Variants in GEMIN2 observed in about 807,000 individuals in gnomAD.
GEMIN2 encodes the protein gem nuclear organelle associated protein 2.
Under a neutral mutation model 45.8 loss-of-function variants are expected in GEMIN2, and 37 were observed. The observed-to-expected ratio is 0.81, with a 90% CI of 0.62 to 1.06. GEMIN2 has a LOEUF of 1.06. Ranked by LOEUF, GEMIN2 falls within the 50% of genes least tolerant of loss-of-function variation. The pLI is 0.00. For synonymous variants in GEMIN2, 101 were observed against 111.5 expected (o/e 0.91, Z 0.60); for missense variants, 335 against 321.8 (o/e 1.04, Z -0.31).
At chr14:39,129,415 A>G (rs377092910) in intron 7 of GEMIN2, among the ~76,000 whole-genome samples, 3 of 151,786 alleles carry the variant, frequency 2.0e-5, no homozygotes, top group East Asian at 3.9e-4. Context: ...TTTATTTTTT[A>G]TTTATTTGTT....
chr14:39,130,934 A>G (rs1428537216), intron 7 of GEMIN2, among the ~76,000 whole-genome samples: 4 of 151,828 alleles, frequency 2.6e-5, no homozygotes. Flanking sequence ...CATGGTAAAC[A>G]TTTTATTATG....
intron 4 of GEMIN2, among the ~76,000 whole-genome samples, chr14:39,118,807 G>A (rs960701991): frequency 6.9e-6 from 1 of 144,730 alleles, no homozygotes; most frequent in African/African-American, 2.6e-5. Context: ...TTTTGAGACA[G>A]GGTCTTGCTC....
Position 39,136,461 on chromosome 14 carries a change from A to G in GEMIN2, c.792A>G (p.Leu264=). 6.3e-7 allele frequency: 1 copy of G among 1,583,182 alleles called. No homozygotes were observed. The highest frequency in any genetic ancestry group is 8.7e-7 in the Non-Finnish European group (1 of 1,153,004). Residue 264 remains leucine (L), a synonymous_variant, in exon 10 of 10, where the codon TTA becomes TTG. Coordinates refer to ENST00000308317, the MANE Select transcript of GEMIN2 (RefSeq NM_003616.3). ...CTAGGTATTTTGACCAACGTGATTT[A>G]GCTGATGAGCCATCTTGATGTAGCT... ...LVSRYFDQRD[L]ADEPS
chr14:39,128,755 C>A (rs1169502459), intron 7 of GEMIN2, among the ~76,000 whole-genome samples: 1 of 151,848 alleles, frequency 6.6e-6, no homozygotes, highest in African/African-American at 2.4e-5. Flanking sequence ...TGCCTCCTCA[C>A]CCTCCCAAAA....
At chr14:39,121,963 C>T (rs1422243056) in intron 4 of GEMIN2, 1 of 177,562 alleles carries the variant, frequency 5.6e-6, no homozygotes, top group Non-Finnish European at 1.2e-5. Context: ...TTCATGTGAT[C>T]GCCTGCCTCG....
intron 4 of GEMIN2, chr14:39,122,087 A>C (rs1401257877): frequency 5.0e-6 from 1 of 198,420 alleles, no homozygotes; most frequent in Non-Finnish European, 1.0e-5. Flanking sequence ...CTGTTTTCTC[A>C]CGTGGTCTTT....
rs565610517 is a variant in GEMIN2, at chr14:39,134,618, T to C, written c.770+899T>C. 1.5e-4 allele frequency among the ~76,000 whole-genome samples: 23 copies of C among 152,358 alleles called. No homozygotes were observed. The South Asian group carries it at 4.6e-3, about 30-fold the overall frequency. On this transcript the variant is annotated intron_variant, in intron 9 of 9. Coordinates refer to ENST00000308317, the MANE Select transcript of GEMIN2 (RefSeq NM_003616.3). Reference sequence around the variant, plus strand: ...CTAGTTTCTTGATCTACAATAATTATGCTGCTGATGATAATTAACATTTAC... The same window carrying C: ...CTAGTTTCTTGATCTACAATAATTACGCTGCTGATGATAATTAACATTTAC...
chr14:39,119,416 C>T (rs1354421170), intron 4 of GEMIN2, among the ~76,000 whole-genome samples: 2 of 152,020 alleles, frequency 1.3e-5, no homozygotes, highest in African/African-American at 4.8e-5. Context: ...ACTTTAAGCC[C>T]TTTAGTAGAT....
In GEMIN2 at chr14:39,128,485, C is replaced by CTTTTTTTTTTTTTTTTTTTTTT. The variant is rs71130820; in HGVS notation, c.600+139_600+160dup. 55 of 148,470 alleles carry CTTTTTTTTTTTTTTTTTTTTTT rather than the reference C, an allele frequency of 3.7e-4. 2 individuals are homozygous for CTTTTTTTTTTTTTTTTTTTTTT. The highest frequency in any genetic ancestry group is 6.4e-4 in the African/African-American group (12 of 18,646). The allele number at this position is 148,470 out of a possible 1,614,324, so 9.2% of individuals were successfully genotyped here. ...ACTGCACATTTTCTTTTTTTCTTTT[C>CTTTTTTTTTTTTTTTTTTTTTT]TTTTTTTTTTTTTTTTTTTTTTTGA... On this transcript the variant is annotated intron_variant, in intron 7 of 9. Coordinates refer to ENST00000308317, the MANE Select transcript of GEMIN2 (RefSeq NM_003616.3).
chr14:39,125,055 A>G lies in GEMIN2; in HGVS notation c.531+19A>G. On this transcript the variant is annotated intron_variant, in intron 6 of 9. Transcript: ENST00000308317. ...GAATCAGGTAAAATTAATAATAGAG[A>G]TATATGCATTCTTTTGTTTGCATTG... 1 of 1,155,082 alleles carries G rather than the reference A, an allele frequency of 8.7e-7. No homozygotes were observed. Among genetic ancestry groups the G allele is most frequent in the Non-Finnish European group, 1.3e-6 (1 of 766,298 alleles). The allele number at this position is 1,155,082 out of a possible 1,614,324, so 71.6% of individuals were successfully genotyped here.
chr14:39,125,453 TC>T (rs753546286), intron 6 of GEMIN2, among the ~76,000 whole-genome samples: 2 of 152,108 alleles, frequency 1.3e-5, no homozygotes, highest in East Asian at 3.9e-4. Flanking sequence ...ATTCCTTTTT[TC>T]CCACCATGCC....
At chr14:39,117,587 A>T (rs61999428) in intron 2 of GEMIN2, among the ~76,000 whole-genome samples, 1 of 152,070 alleles carries the variant, frequency 6.6e-6, no homozygotes, top group Non-Finnish European at 1.5e-5. Flanking sequence ...TAGTCACTCT[A>T]CTGTGCTATT....
chr14:39,128,272 T>C lies in GEMIN2; in HGVS notation c.532-8T>C. The C allele has an allele frequency of 6.6e-7, 1 of 1,506,882 alleles. No homozygotes were observed. Among genetic ancestry groups the C allele is most frequent in the Non-Finnish European group, 9.1e-7 (1 of 1,098,286 alleles). The allele number at this position is 1,506,882 out of a possible 1,614,324, so 93.3% of individuals were successfully genotyped here. Reference sequence around the variant, plus strand: ...CAACTCTTCTCCACCCCCTCTTTTTTTTTTTAGGCAACAGTAACTAGTGTC... The same window carrying C: ...CAACTCTTCTCCACCCCCTCTTTTTCTTTTTAGGCAACAGTAACTAGTGTC... On this transcript the variant is annotated splice_region_variant and splice_polypyrimidine_tract_variant and intron_variant, in intron 6 of 9. Coordinates refer to ENST00000308317, the MANE Select transcript of GEMIN2 (RefSeq NM_003616.3).
chr14:39,129,395 A>G (rs922511477), intron 7 of GEMIN2, among the ~76,000 whole-genome samples: 9 of 151,930 alleles, frequency 5.9e-5, no homozygotes, highest in Non-Finnish European at 1.0e-4. Flanking sequence ...ATGTGATGCT[A>G]CGGTATTTAT....
chr14:39,133,126 ATATAT>A (rs774171229), intron 8 of GEMIN2, among the ~76,000 whole-genome samples: 1 of 144,432 alleles, frequency 6.9e-6, no homozygotes. Flanking sequence ...AGTGATTAAT[ATATAT>A]TATATATATT....
chr14:39,129,496 C>T lies in GEMIN2; in HGVS notation c.600+1148C>T, dbSNP rs867364044. Among the ~76,000 whole-genome samples, 17 of 152,286 alleles carry T rather than the reference C, an allele frequency of 1.1e-4. No homozygotes were observed. The Middle Eastern group carries it at 0.017, about 152-fold the overall frequency. On this transcript the variant is annotated intron_variant, in intron 7 of 9. Transcript: ENST00000308317. ...TAGCGCGATCTCGGCTCACTGCAGC[C>T]TCCACCTCCTGGTTTCAAGTGATTC...
At chr14:39,127,870 C>T (rs537188178) in intron 6 of GEMIN2, among the ~76,000 whole-genome samples, 2 of 152,078 alleles carry the variant, frequency 1.3e-5, no homozygotes, top group Admixed American at 6.5e-5. Context: ...GAGAGTTCGA[C>T]CAGCCTGACC....
rs1173766889 is a variant in GEMIN2 at position 39,131,703 on chromosome 14, G to C, written c.601-255G>C. 7 of 354,284 alleles carry C rather than the reference G, an allele frequency of 2.0e-5. No individual in the cohort carries two copies. The South Asian group carries it at 4.8e-4, about 24-fold the overall frequency. 21.9% of individuals were successfully genotyped at this position (354,284 alleles called of 1,614,324 possible). On this transcript the variant is annotated intron_variant, in intron 7 of 9. Transcript: ENST00000308317. ...TACAAATGAGAACTTCCTATCATAA[G>C]AATATCTGAAACAAACTCTTTGGAG...
intron 7 of GEMIN2, among the ~76,000 whole-genome samples, chr14:39,130,320 T>C (rs2052700202): frequency 6.6e-6 from 1 of 152,114 alleles, no homozygotes; most frequent in Admixed American, 6.6e-5. Flanking sequence ...GCTATTTAAA[T>C]TTTGTCCTAA....
Sources: allele counts gnomAD v4.1 joint callset (sites outside exome capture counted in the v4.1 genomes callset), GRCh38; gene constraint gnomAD v4.1.1; transcripts MANE v1.5; gene names NCBI Gene and HGNC (gene_info 2026-07-23, HGNC 2026-07-21).